FGFR1: variants seen among roughly 807,000 people sequenced by gnomAD.
The protein encoded by FGFR1 is fibroblast growth factor receptor 1.
FGFR1 carries 18 observed loss-of-function variants against 93.7 expected under a neutral mutation model. That is an observed-to-expected ratio of 0.19 (90% CI 0.13 to 0.28). FGFR1 has a LOEUF of 0.28. Ranked by LOEUF, FGFR1 falls within the 10% of genes least tolerant of loss-of-function variation. The probability of loss-of-function intolerance (pLI) is 1.00; values close to 1 mark genes in which losing one functional copy is unlikely to be tolerated. For synonymous variants in FGFR1, 448 were observed against 429.3 expected, an observed-to-expected ratio of 1.04 and a Z score of -0.54; for missense variants, 731 against 1,080.4, an observed-to-expected ratio of 0.68 and a Z score of 4.53.
chr8:38,431,988 A>C (rs1187866771), intron 2 of FGFR1, among the ~76,000 whole-genome samples: 1 of 152,186 alleles, frequency 6.6e-6, no homozygotes, highest in Non-Finnish European at 1.5e-5. Flanking sequence ...ATTTCCCTCA[A>C]ATGACCTCGG....
In FGFR1 at chr8:38,413,871, C is replaced by T. The variant is rs747827840; in HGVS notation, c.2292+47G>A. Reference sequence around the variant, plus strand: ...CTCCCTGCTCAGGGAGGTGCGTGCACGCAGTGGGGACGGCCTGAGCTCTGG... The same window carrying T: ...CTCCCTGCTCAGGGAGGTGCGTGCATGCAGTGGGGACGGCCTGAGCTCTGG... On this transcript the variant is annotated intron_variant, in intron 17 of 17. Coordinates refer to ENST00000447712, the MANE Select transcript of FGFR1 (RefSeq NM_023110.3). This position sits in a 1 kb window ranked among gnomAD's most constrained non-coding sequence, Gnocchi z 4.2. The T allele has an allele frequency of 1.1e-5, 17 of 1,613,150 alleles. No homozygotes were observed. Among genetic ancestry groups the T allele is most frequent in the Admixed American group, 6.7e-5 (4 of 59,922 alleles).
rs1373408534 is a variant in FGFR1 at position 38,415,943 on chromosome 8, T to C, written c.1781A>G (p.Gln594Arg). The change falls in exon 13 of 18, where the codon CAG (glutamine) becomes CGG (arginine). Residue 594 changes from glutamine to arginine, a missense_variant. Physicochemically the swap from Gln to Arg is conservative, Grantham distance 43. Coordinates refer to ENST00000447712, the MANE Select transcript of FGFR1 (RefSeq NM_023110.3). ...GGACACCAGGTCCTTGGAGGAGAGC[T>C]GCTCCTCTGGGTTGTGGCTGGGGTT... is the stretch of plus-strand genomic sequence containing the variant. ...CYNPSHNPEE[Q>R]LSSKDLVSCA... The C allele has an allele frequency of 6.2e-7, 1 of 1,613,942 alleles. No homozygotes were observed. Among genetic ancestry groups the C allele is most frequent in the Non-Finnish European group, 8.5e-7 (1 of 1,179,986 alleles).
chr8:38,419,964 G>C, intron 8 of FGFR1: 1 of 561,814 alleles, frequency 1.8e-6, no homozygotes, highest in Non-Finnish European at 3.2e-6. Flanking sequence ...GGATGGCCTA[G>C]AACCATCGTG....
At position 38,426,082 on chromosome 8, in the gene FGFR1, C is replaced by T. The variant is rs200473570; in HGVS notation, c.745+40G>A. 1.2e-4 allele frequency: 191 copies of T among 1,613,686 alleles called. 2 individuals carry two copies. The Admixed American group carries it at 3.1e-3, about 27-fold the overall frequency. ...GCTGTGTTCTCCAAGCCTGGCTCTTCCCACTAAACTCATTCCTCCTGCTGC... is the reference window on the plus strand; with the variant it reads ...GCTGTGTTCTCCAAGCCTGGCTCTTTCCACTAAACTCATTCCTCCTGCTGC... On this transcript the variant is annotated intron_variant, in intron 6 of 17. Coordinates refer to ENST00000447712, the MANE Select transcript of FGFR1 (RefSeq NM_023110.3). The surrounding 1 kb of genome is among the most constrained non-coding windows in gnomAD (Gnocchi z 4.1).
chr8:38,433,524 G>A (rs959512079), intron 2 of FGFR1, among the ~76,000 whole-genome samples: 10 of 152,148 alleles, frequency 6.6e-5, no homozygotes, highest in African/African-American at 2.4e-4. Context: ...TAGCCAGGCT[G>A]TCCTTGAACT....
chr8:38,420,467 T>A (rs1265067664), intron 8 of FGFR1: 1 of 152,222 alleles, frequency 6.6e-6, no homozygotes, highest in African/African-American at 2.4e-5. Flanking sequence ...AGGCCCCAAC[T>A]CCTAAAACTT....
intron 1 of FGFR1, among the ~76,000 whole-genome samples, chr8:38,460,064 T>C (rs527628470): frequency 7.4e-4 from 113 of 152,268 alleles, no homozygotes; most frequent in Non-Finnish European, 1.3e-3. Flanking sequence ...ACGCCTGTAA[T>C]CCCAGCTACT....
intron 2 of FGFR1, among the ~76,000 whole-genome samples, chr8:38,432,585 G>A (rs1039446114): frequency 6.6e-6 from 1 of 151,902 alleles, no homozygotes; most frequent in Non-Finnish European, 1.5e-5. Flanking sequence ...GCTAATTTTT[G>A]TATTTTTAGT....
rs2150928779 is a variant in FGFR1 at position 38,428,362 on chromosome 8, G to A, written c.432C>T (p.Thr144=). ...SSSEEKETDN[T]KPNRMPVAPY... Reference sequence around the variant, plus strand: ...GTGTCTCACGCATACGGTTTGGTTTGGTGTTATCTGTTTCTTTCTCCTCTG... The same window carrying A: ...GTGTCTCACGCATACGGTTTGGTTTAGTGTTATCTGTTTCTTTCTCCTCTG... The change falls in exon 4 of 18, where the codon ACC becomes ACT. Residue 144 remains threonine (T), a synonymous_variant. Transcript: ENST00000447712. 6.2e-7 allele frequency: 1 copy of A among 1,614,044 alleles called. No individual in the cohort carries two copies. The highest frequency in any genetic ancestry group is 1.1e-5 in the South Asian group (1 of 91,078).
intron 7 of FGFR1, chr8:38,423,662 TAAAAAAAAA>T (rs1209840278): frequency 2.6e-5 from 3 of 115,092 alleles, no homozygotes; most frequent in South Asian, 2.7e-4. Flanking sequence ...AGCATTTGAT[TAAAAAAAAA>T]AAAAAAAAAA....
chr8:38,460,401 C>T (rs1834105437), intron 1 of FGFR1, among the ~76,000 whole-genome samples: 1 of 152,148 alleles, frequency 6.6e-6, no homozygotes, highest in African/African-American at 2.4e-5. Flanking sequence ...AGGTCCCTTG[C>T]TAAGTGTCAG....
chr8:38,414,929 G>A (rs983615443), intron 13 of FGFR1, 28 bp from the exon 14 acceptor site: 3 of 1,602,954 alleles, frequency 1.9e-6, no homozygotes, highest in African/African-American at 2.7e-5. Context: ...GAGAGCGGGA[G>A]GCGGGGAGGT....
intron 8 of FGFR1, chr8:38,421,509 TCGGG>T: frequency 2.0e-6 from 1 of 487,810 alleles, no homozygotes; most frequent in Non-Finnish European, 3.8e-6. Context: ...CCTGGAGGAG[TCGGG>T]CTGCAGGGTA....
chr8:38,422,211 C>T (rs1398079618), intron 7 of FGFR1: 6 of 508,318 alleles, frequency 1.2e-5, no homozygotes, highest in East Asian at 1.0e-4. Flanking sequence ...CTGGCCCATC[C>T]GAGCATGCGG....
chr8:38,449,798 C>A (rs1390843026), intron 2 of FGFR1, among the ~76,000 whole-genome samples: 1 of 152,246 alleles, frequency 6.6e-6, no homozygotes, highest in Admixed American at 6.5e-5. Flanking sequence ...GCCCTCACCC[C>A]ACAGCCCCTA....
intron 5 of FGFR1, 36 bp downstream of exon 5, chr8:38,427,885 C>T (rs1463261792): frequency 6.2e-7 from 1 of 1,613,290 alleles, no homozygotes; most frequent in Non-Finnish European, 8.5e-7. Flanking sequence ...CTCCCCTGTT[C>T]CCATTACTCT....
At chr8:38,415,341 T>C (rs1463855005) in intron 13 of FGFR1, among the ~76,000 whole-genome samples, 1 of 152,182 alleles carries the variant, frequency 6.6e-6, no homozygotes, top group Admixed American at 6.5e-5. Context: ...TCGCCCCGGC[T>C]GGGGTGCAGT....
intron 2 of FGFR1, among the ~76,000 whole-genome samples, chr8:38,448,725 C>T (rs931154274): frequency 2.0e-5 from 3 of 152,068 alleles, no homozygotes; most frequent in Non-Finnish European, 2.9e-5. Flanking sequence ...GAGGCTGAGG[C>T]GGGTGGATCA....
chr8:38,459,933 C>T (rs187608366), intron 1 of FGFR1, among the ~76,000 whole-genome samples: 5 of 152,210 alleles, frequency 3.3e-5, no homozygotes, highest in East Asian at 1.9e-4. Flanking sequence ...CCTACAATCC[C>T]GGGACTTTGG....
Sources: allele counts gnomAD v4.1 joint callset (sites outside exome capture counted in the v4.1 genomes callset), GRCh38; gene constraint gnomAD v4.1.1; non-coding constraint Gnocchi (gnomAD v3.1); transcripts MANE v1.5; gene names NCBI Gene and HGNC (gene_info 2026-07-23, HGNC 2026-07-21).